The following SWT1 variants were observed in gnomAD, a reference collection of about 807,000 sequenced individuals.
The protein encoded by SWT1 is transcriptional protein SWT1.
Under a neutral mutation model 107.3 loss-of-function variants are expected in SWT1, and 33 were observed. That is an observed-to-expected ratio of 0.31 (90% CI 0.23 to 0.41). The LOEUF is 0.41. SWT1 is among the 10% of genes least tolerant of loss of function. The pLI is 1.00. For missense variants in SWT1, 898 were observed against 1,028.9 expected (o/e 0.87, Z 1.74); for synonymous variants, 345 against 348.3 (o/e 0.99, Z 0.11).
chr1:185,285,200 C>T (rs1479839821), intron 18 of SWT1, among the ~76,000 whole-genome samples: 1 of 152,160 alleles, frequency 6.6e-6, no homozygotes, highest in African/African-American at 2.4e-5. Flanking sequence ...GAGGCAGCAG[C>T]CTTCTTCAGG....
intron 18 of SWT1, among the ~76,000 whole-genome samples, chr1:185,289,526 G>A (rs537829228): frequency 6.6e-6 from 1 of 152,302 alleles, no homozygotes; most frequent in African/African-American, 2.4e-5. Context: ...CAAAGGAAAT[G>A]AAATCAGTAT....
chr1:185,183,820 G>A (rs1234423604), intron 7 of SWT1, among the ~76,000 whole-genome samples: 1 of 152,152 alleles, frequency 6.6e-6, no homozygotes, highest in Non-Finnish European at 1.5e-5. Context: ...CGAAGTAAAA[G>A]CAATTTTGTT....
chr1:185,268,745 G>C (rs932994159), intron 16 of SWT1, among the ~76,000 whole-genome samples: 1 of 151,850 alleles, frequency 6.6e-6, no homozygotes, highest in Non-Finnish European at 1.5e-5. Context: ...TGTTTTATCT[G>C]ATTTTCTCGC....
intron 16 of SWT1, among the ~76,000 whole-genome samples, chr1:185,258,648 C>G (rs1371161524): frequency 6.6e-6 from 1 of 152,062 alleles, no homozygotes; most frequent in African/African-American, 2.4e-5. Flanking sequence ...TTATTATCTT[C>G]TGTCCTCTTG....
chr1:185,172,950 A>G (rs1655205591), intron 4 of SWT1, among the ~76,000 whole-genome samples: 1 of 148,298 alleles, frequency 6.7e-6, no homozygotes, highest in African/African-American at 2.5e-5. Context: ...AGGCTGAGGC[A>G]GGGGAATCGC....
chr1:185,218,551 T>C (rs981465046), intron 14 of SWT1, among the ~76,000 whole-genome samples: 1 of 152,010 alleles, frequency 6.6e-6, no homozygotes, highest in African/African-American at 2.4e-5. Flanking sequence ...CCTCAAGCAA[T>C]CCTCCCGCCA....
intron 2 of SWT1, among the ~76,000 whole-genome samples, chr1:185,166,158 C>T (rs1205162722): frequency 1.3e-5 from 2 of 152,194 alleles, no homozygotes; most frequent in East Asian, 3.8e-4. Context: ...TCCTCTCTCT[C>T]CACTGTCTAG....
chr1:185,159,870 A>G (rs1653993757), intron 1 of SWT1, among the ~76,000 whole-genome samples: 1 of 152,046 alleles, frequency 6.6e-6, no homozygotes, highest in South Asian at 2.1e-4. Context: ...GATTACAGGC[A>G]TGCACCACCA....
intron 15 of SWT1, among the ~76,000 whole-genome samples, chr1:185,226,186 A>G (rs912347935): frequency 2.0e-5 from 3 of 152,182 alleles, no homozygotes; most frequent in African/African-American, 4.8e-5. Context: ...ATGTACATGC[A>G]TTTGTGTTGG....
intron 17 of SWT1, among the ~76,000 whole-genome samples, chr1:185,274,914 G>A (rs1003969397): frequency 6.6e-6 from 1 of 152,048 alleles, no homozygotes; most frequent in African/African-American, 2.4e-5. Flanking sequence ...ATGAGACTGT[G>A]CTTCAGTTTT....
At chr1:185,196,806 G>A (rs1657430157) in intron 10 of SWT1, among the ~76,000 whole-genome samples, 4 of 152,138 alleles carry the variant, frequency 2.6e-5, no homozygotes, top group African/African-American at 9.7e-5. Flanking sequence ...TGGTGTATAG[G>A]AATGCTTGTG....
chr1:185,198,396 G>A (rs1161174705), intron 10 of SWT1, among the ~76,000 whole-genome samples: 1 of 152,212 alleles, frequency 6.6e-6, no homozygotes, highest in African/African-American at 2.4e-5. Context: ...AATGTGCTGA[G>A]AAGAATGTAT....
intron 16 of SWT1, among the ~76,000 whole-genome samples, chr1:185,235,452 A>G (rs550716126): frequency 2.0e-5 from 3 of 152,224 alleles, no homozygotes; most frequent in Non-Finnish European, 2.9e-5. Flanking sequence ...ACAGAGCCAA[A>G]GACAAAAACC....
chr1:185,233,026 C>T (rs2102575886), intron 16 of SWT1, among the ~76,000 whole-genome samples: 1 of 152,174 alleles, frequency 6.6e-6, no homozygotes, highest in South Asian at 2.1e-4. Context: ...ATCACAAGAC[C>T]AGCATCATCA....
Position 185,290,573 on chromosome 1 carries a change from TA to T in SWT1, c.2574-100del, listed in dbSNP as rs1350899699. 67 of 765,864 alleles carry T rather than the reference TA, an allele frequency of 8.7e-5. 1 individual carries two copies. In the Admixed American group the frequency reaches 1.1e-3, roughly 12 times the overall value. 47.4% of individuals were successfully genotyped at this position (765,864 alleles called of 1,614,324 possible). On this transcript the variant is annotated intron_variant, in intron 18 of 18. Coordinates refer to ENST00000367500, the MANE Select transcript of SWT1 (RefSeq NM_017673.7). ...TATCATGTTATACATAATATATATATATTTTTTATTTGTCAATTAAAATGTA... is the reference window on the plus strand; with the variant it reads ...TATCATGTTATACATAATATATATATTTTTTTATTTGTCAATTAAAATGTA...
At chr1:185,256,654 G>T (rs1199290992) in intron 16 of SWT1, among the ~76,000 whole-genome samples, 3 of 147,050 alleles carry the variant, frequency 2.0e-5, no homozygotes, top group South Asian at 2.2e-4. Context: ...GCACTTCTCT[G>T]TATTGGTTAT....
chr1:185,214,011 C>T (rs926064700), intron 13 of SWT1, among the ~76,000 whole-genome samples: 1 of 152,022 alleles, frequency 6.6e-6, no homozygotes, highest in African/African-American at 2.4e-5. Context: ...TCATAGTTTT[C>T]AATAAACATA....
chr1:185,257,287 C>T (rs941765588), intron 16 of SWT1, among the ~76,000 whole-genome samples: 11 of 152,086 alleles, frequency 7.2e-5, no homozygotes, highest in African/African-American at 2.4e-4. Context: ...GGCAGGCCTC[C>T]TTGAGCTGTG....
At chr1:185,261,752 T>C (rs1663033926) in intron 16 of SWT1, among the ~76,000 whole-genome samples, 1 of 152,136 alleles carries the variant, frequency 6.6e-6, no homozygotes, top group African/African-American at 2.4e-5. Flanking sequence ...CCTGTTTTTA[T>C]TAAAAGTCTA....
Sources: allele counts gnomAD v4.1 joint callset (sites outside exome capture counted in the v4.1 genomes callset), GRCh38; gene constraint gnomAD v4.1.1; transcripts MANE v1.5; gene names NCBI Gene and HGNC (gene_info 2026-07-23, HGNC 2026-07-21).